ELOVL6: variants seen among roughly 807,000 people sequenced by gnomAD.
ELOVL6 encodes the protein ELOVL fatty acid elongase 6.
Under a neutral mutation model 31.7 loss-of-function variants are expected in ELOVL6, and 8 were observed. That is an observed-to-expected ratio of 0.25 (90% CI 0.15 to 0.45). The LOEUF is 0.45. Ranked by LOEUF, ELOVL6 falls within the 20% of genes least tolerant of loss-of-function variation. The pLI is 1.00. For missense variants in ELOVL6, 126 were observed against 326.4 expected (o/e 0.39, Z 4.73); for synonymous variants, 101 against 117.7 (o/e 0.86, Z 0.92).
In ELOVL6 at chr4:110,086,362, C is replaced by T. The variant is rs143390780; in HGVS notation, c.221+19135G>A. Among the ~76,000 whole-genome samples the T allele has an allele frequency of 3.9e-4, 60 of 152,204 alleles. No homozygotes were observed. In the East Asian group the frequency reaches 6.4e-3, roughly 16 times the overall value. On this transcript the variant is annotated intron_variant, in intron 2 of 3. Transcript: ENST00000302274. Reference sequence around the variant, plus strand: ...ATCTGAATCATGACATTTGGAAATACCACTATATACAATATTAAGGAGGAT... The same window carrying T: ...ATCTGAATCATGACATTTGGAAATATCACTATATACAATATTAAGGAGGAT...
Position 110,121,180 on chromosome 4 carries a change from G to T in ELOVL6, c.90-15552C>A, listed in dbSNP as rs114576461. Among the ~76,000 whole-genome samples the T allele has an allele frequency of 6.0e-3, 910 of 152,240 alleles. 12 individuals carry two copies. Among genetic ancestry groups the T allele is most frequent in the African/African-American group, 0.021 (861 of 41,548 alleles). ...GTAAGGCAGGGAATAGCCAAGTCAA[G>T]AACTATCTTCAAAGGTAAAATTTAC... On this transcript the variant is annotated intron_variant, in intron 1 of 3. Coordinates refer to ENST00000302274, the MANE Select transcript of ELOVL6 (RefSeq NM_024090.3).
intron 1 of ELOVL6, among the ~76,000 whole-genome samples, chr4:110,194,693 T>C (rs1759721230): frequency 6.6e-6 from 1 of 152,202 alleles, no homozygotes; most frequent in African/African-American, 2.4e-5. Flanking sequence ...TTATAGGGTA[T>C]GTTAACATTA....
intron 2 of ELOVL6, among the ~76,000 whole-genome samples, chr4:110,096,048 G>A (rs1756571574): frequency 6.6e-6 from 1 of 152,170 alleles, no homozygotes; most frequent in South Asian, 2.1e-4. Context: ...TAGTCAAGAG[G>A]TCAATCCTAA....
chr4:110,163,083 C>G (rs1329661500), intron 1 of ELOVL6, among the ~76,000 whole-genome samples: 1 of 152,194 alleles, frequency 6.6e-6, no homozygotes, highest in African/African-American at 2.4e-5. Flanking sequence ...GAACTCCAAA[C>G]TACAATTCAA....
chr4:110,184,592 A>G (rs1759386595), intron 1 of ELOVL6, among the ~76,000 whole-genome samples: 1 of 152,188 alleles, frequency 6.6e-6, no homozygotes, highest in African/African-American at 2.4e-5. Flanking sequence ...TGACTCAGAA[A>G]GACAATGGGA....
At chr4:110,083,933 G>T (rs1755971450) in intron 2 of ELOVL6, among the ~76,000 whole-genome samples, 2 of 32,586 alleles carry the variant, frequency 6.1e-5, no homozygotes, top group Non-Finnish European at 1.3e-4. Flanking sequence ...AATATATATA[G>T]AGATATATAT....
chr4:110,084,146 G>T (rs1409495210), intron 2 of ELOVL6, among the ~76,000 whole-genome samples: 6 of 64,760 alleles, frequency 9.3e-5, no homozygotes, highest in African/African-American at 3.4e-4. Flanking sequence ...TGATATATAT[G>T]ATATATATAA....
At chr4:110,167,652 GTTATGTAT>G (rs879477450) in intron 1 of ELOVL6, among the ~76,000 whole-genome samples, 2,241 of 144,478 alleles carry the variant, frequency 0.016, 32 homozygotes, top group Middle Eastern at 0.024. Context: ...CACCACCTCA[GTTATGTAT>G]GTATGTATGT....
intron 1 of ELOVL6, among the ~76,000 whole-genome samples, chr4:110,130,578 A>ATGTTT (rs1757639056): frequency 1.3e-5 from 2 of 152,228 alleles, no homozygotes; most frequent in Non-Finnish European, 2.9e-5. Flanking sequence ...AGGAAAAGTA[A>ATGTTT]CTCCCAGAAA....
intron 1 of ELOVL6, among the ~76,000 whole-genome samples, chr4:110,183,503 G>A (rs77633518): frequency 0.064 from 9,736 of 152,180 alleles, 332 homozygotes; most frequent in South Asian, 0.12. Context: ...TCAGGCCATG[G>A]TCACTCATAT....
intron 1 of ELOVL6, among the ~76,000 whole-genome samples, chr4:110,180,452 T>A (rs1273057740): frequency 6.6e-6 from 1 of 152,242 alleles, no homozygotes; most frequent in Admixed American, 6.5e-5. Flanking sequence ...AGTACAATCA[T>A]GGTTAACTGC....
At chr4:110,078,683 A>G (rs957507894) in intron 2 of ELOVL6, among the ~76,000 whole-genome samples, 2 of 152,228 alleles carry the variant, frequency 1.3e-5, no homozygotes, top group Admixed American at 6.5e-5. Flanking sequence ...TGCATCAACT[A>G]ATGAGCAAAA....
chr4:110,171,359 AG>A (rs1367332877), intron 1 of ELOVL6, among the ~76,000 whole-genome samples: 1 of 152,084 alleles, frequency 6.6e-6, no homozygotes, highest in Non-Finnish European at 1.5e-5. Flanking sequence ...CAGTGAGCCA[AG>A]ATCGCGCCAT....
rs924980897 is a variant in ELOVL6, at chr4:110,084,425, A to G, written c.221+21072T>C. 3.9e-3 allele frequency among the ~76,000 whole-genome samples: 246 copies of G among 63,624 alleles called. 18 individuals carry two copies. Among genetic ancestry groups the G allele is most frequent in the African/African-American group, 0.026 (204 of 7,998 alleles). 41.7% of individuals were successfully genotyped at this position (63,624 alleles called of 152,430 possible). On this transcript the variant is annotated intron_variant, in intron 2 of 3. Coordinates refer to ENST00000302274, the MANE Select transcript of ELOVL6 (RefSeq NM_024090.3). ...TGATATATGACATACATGATATATCACATATATCATATATGATATATCGCA... is the reference window on the plus strand; with the variant it reads ...TGATATATGACATACATGATATATCGCATATATCATATATGATATATCGCA...
At chr4:110,124,631 G>C (rs1187938479) in intron 1 of ELOVL6, among the ~76,000 whole-genome samples, 14 of 151,758 alleles carry the variant, frequency 9.2e-5, no homozygotes, top group Non-Finnish European at 1.9e-4. Flanking sequence ...GTGATGGGTT[G>C]AAAGGTGCAG....
intron 1 of ELOVL6, among the ~76,000 whole-genome samples, chr4:110,142,666 G>T (rs1335769165): frequency 1.3e-5 from 2 of 152,196 alleles, no homozygotes; most frequent in Non-Finnish European, 2.9e-5. Flanking sequence ...CCTTCAGGTA[G>T]ATCATGCCAT....
rs1560813309 is a variant in ELOVL6, at chr4:110,083,978, TG to T, written c.221+21518del. Among the ~76,000 whole-genome samples, 13 of 106,364 alleles carry T rather than the reference TG, an allele frequency of 1.2e-4. 1 individual carries two copies. The highest frequency in any genetic ancestry group is 2.1e-4 in the Non-Finnish European group (10 of 47,656). The allele number at this position is 106,364 out of a possible 152,430, so 69.8% of individuals were successfully genotyped here. The stretch of plus-strand genomic sequence containing the variant: ...TATATGATATATATGATATAACATA[TG>T]CCATATACGATATATAACATATGCC... On this transcript the variant is annotated intron_variant, in intron 2 of 3. Transcript: ENST00000302274.
chr4:110,068,851 A>G (rs892310750), intron 2 of ELOVL6, among the ~76,000 whole-genome samples: 1 of 152,188 alleles, frequency 6.6e-6, no homozygotes, highest in Non-Finnish European at 1.5e-5. Flanking sequence ...TGGAGAGATT[A>G]TAAGTAATAG....
intron 3 of ELOVL6, among the ~76,000 whole-genome samples, chr4:110,052,322 T>C (rs1754856902): frequency 6.6e-6 from 1 of 152,208 alleles, no homozygotes; most frequent in Non-Finnish European, 1.5e-5. Flanking sequence ...CTCAAACATA[T>C]ATCTTTGTGA....
Sources: allele counts gnomAD v4.1 joint callset (sites outside exome capture counted in the v4.1 genomes callset), GRCh38; gene constraint gnomAD v4.1.1; transcripts MANE v1.5; gene names NCBI Gene and HGNC (gene_info 2026-07-23, HGNC 2026-07-21).